KANSL1L: variants seen among roughly 807,000 people sequenced by gnomAD.
KANSL1L encodes the protein KAT8 regulatory NSL complex subunit 1 like, also known as KAT8 regulatory NSL complex subunit 1-like protein.
In KANSL1L, 25 loss-of-function variants were observed where a neutral mutation model predicts 108.6. The ratio of observed to expected loss-of-function variants is 0.23; its 90% CI spans 0.17 to 0.32. The LOEUF (loss-of-function observed/expected upper bound fraction) is 0.32. Ranked by LOEUF, KANSL1L falls within the 10% of genes least tolerant of loss-of-function variation. The pLI is 1.00. For synonymous variants in KANSL1L, 405 were observed against 395.1 expected, an observed-to-expected ratio of 1.03 and a Z score of -0.30; for missense variants, 1,137 against 1,125.7, an observed-to-expected ratio of 1.01 and a Z score of -0.14.
chr2:210,024,731 CAT>C (rs1371029090), intron 13 of KANSL1L, among the ~76,000 whole-genome samples: 3 of 151,736 alleles, frequency 2.0e-5, no homozygotes, highest in Non-Finnish European at 4.4e-5. Flanking sequence ...TAAAGAAAAA[CAT>C]ATTTTGGAAG....
intron 3 of KANSL1L, among the ~76,000 whole-genome samples, chr2:210,111,472 G>C (rs2094904261): frequency 6.6e-6 from 1 of 152,122 alleles, no homozygotes; most frequent in Non-Finnish European, 1.5e-5. Flanking sequence ...GGTTGCCAGA[G>C]AAAAGAGCCT....
chr2:210,049,649 G>T (rs1050133401), intron 6 of KANSL1L, among the ~76,000 whole-genome samples: 1 of 152,086 alleles, frequency 6.6e-6, no homozygotes, highest in Admixed American at 6.6e-5. Context: ...CCATACTATA[G>T]TAGGAAATTA....
chr2:210,084,600 T>C (rs549169939), intron 5 of KANSL1L, among the ~76,000 whole-genome samples: 66 of 152,140 alleles, frequency 4.3e-4, no homozygotes, highest in Admixed American at 1.1e-3. Flanking sequence ...CTGAGCAATA[T>C]AGTGATTTCT....
Position 210,040,402 on chromosome 2 carries a change from A to T in KANSL1L, c.2029+18T>A. ...ATAAAAAGGCATATAGAGTACAAGA[A>T]CTGTAAATGTGACATACCAGGTGAT... On this transcript the variant is annotated intron_variant, in intron 8 of 14. Coordinates refer to ENST00000281772, the MANE Select transcript of KANSL1L (RefSeq NM_152519.4). 8.9e-7 allele frequency: 1 copy of T among 1,122,344 alleles called. No homozygotes were observed. 69.5% of individuals were successfully genotyped at this position (1,122,344 alleles called of 1,614,324 possible).
At chr2:210,052,607 T>C (rs1216638455) in intron 6 of KANSL1L, among the ~76,000 whole-genome samples, 1 of 152,210 alleles carries the variant, frequency 6.6e-6, no homozygotes, top group East Asian at 1.9e-4. Context: ...ATAAACTCCT[T>C]TTTCCTAGAA....
chr2:210,122,019 T>A (rs1363702992), intron 3 of KANSL1L, among the ~76,000 whole-genome samples: 1 of 152,032 alleles, frequency 6.6e-6, no homozygotes, highest in Non-Finnish European at 1.5e-5. Flanking sequence ...AAAACATTGA[T>A]GAAAGAAACT....
At chr2:210,091,124 GATT>G (rs1468327521) in intron 5 of KANSL1L, among the ~76,000 whole-genome samples, 1 of 152,098 alleles carries the variant, frequency 6.6e-6, no homozygotes, top group African/African-American at 2.4e-5. Context: ...AAAGGGTAAG[GATT>G]ATTAACTCAA....
chr2:210,052,965 T>C (rs1008349901), intron 6 of KANSL1L, among the ~76,000 whole-genome samples: 1 of 152,226 alleles, frequency 6.6e-6, no homozygotes, highest in African/African-American at 2.4e-5. Flanking sequence ...TACATCAGCT[T>C]TGCACATATG....
intron 6 of KANSL1L, among the ~76,000 whole-genome samples, chr2:210,054,142 C>G (rs1184565777): frequency 6.6e-6 from 1 of 151,800 alleles, no homozygotes; most frequent in Non-Finnish European, 1.5e-5. Context: ...CGGTGAAACC[C>G]CATCTCTAAT....
intron 2 of KANSL1L, among the ~76,000 whole-genome samples, chr2:210,146,748 AAG>A (rs766847828): frequency 6.6e-6 from 1 of 152,222 alleles, no homozygotes; most frequent in African/African-American, 2.4e-5. Flanking sequence ...TGGGGTGAAG[AAG>A]AGAGGATTGT....
chr2:210,023,193 A>T lies in KANSL1L; in HGVS notation c.2734-14T>A. The T allele has an allele frequency of 6.3e-7, 1 of 1,598,326 alleles. No individual in the cohort carries two copies. Among genetic ancestry groups the T allele is most frequent in the South Asian group, 1.1e-5 (1 of 90,642 alleles). On this transcript the variant is annotated splice_polypyrimidine_tract_variant and intron_variant, in intron 14 of 14. Coordinates refer to ENST00000281772, the MANE Select transcript of KANSL1L (RefSeq NM_152519.4). Reference sequence around the variant, plus strand: ...CCACCACAAAGACTGAAAGGGGAAAAATTTTCAGTTAAGTTTCAACTAACT... The same window carrying T: ...CCACCACAAAGACTGAAAGGGGAAATATTTTCAGTTAAGTTTCAACTAACT...
rs142397289 is a variant in KANSL1L at position 210,124,875 on chromosome 2, C to T, written c.1230+4156G>A. On this transcript the variant is annotated intron_variant, in intron 3 of 14. Coordinates refer to ENST00000281772, the MANE Select transcript of KANSL1L (RefSeq NM_152519.4). ...TGACAAGAGAGTATTATTAATAATA[C>T]TATACCAACAAATTAAATAACCTAG... 4.2e-3 allele frequency among the ~76,000 whole-genome samples: 640 copies of T among 152,190 alleles called. 7 individuals carry two copies. Among genetic ancestry groups the T allele is most frequent in the African/African-American group, 0.015 (607 of 41,526 alleles).
At chr2:210,051,990 TTTC>T (rs2094297226) in intron 6 of KANSL1L, among the ~76,000 whole-genome samples, 1 of 151,532 alleles carries the variant, frequency 6.6e-6, no homozygotes, top group African/African-American at 2.4e-5. Context: ...AATTTCTTTC[TTTC>T]TTCTTTCCTT....
intron 5 of KANSL1L, among the ~76,000 whole-genome samples, chr2:210,081,792 G>A (rs1338666535): frequency 2.6e-5 from 4 of 152,196 alleles, no homozygotes; most frequent in African/African-American, 9.7e-5. Flanking sequence ...TTAGTTTGGT[G>A]AATAAGTAAA....
intron 6 of KANSL1L, among the ~76,000 whole-genome samples, chr2:210,061,408 T>C (rs1005456430): frequency 2.0e-5 from 3 of 152,300 alleles, no homozygotes; most frequent in Non-Finnish European, 4.4e-5. Context: ...GGGCCTAACG[T>C]TGCACAGCAA....
chr2:210,100,283 C>T (rs2094781243), intron 4 of KANSL1L, among the ~76,000 whole-genome samples: 1 of 152,174 alleles, frequency 6.6e-6, no homozygotes, highest in Admixed American at 6.5e-5. Context: ...CCCCCATCCC[C>T]ACCCTGCGGA....
chr2:210,098,641 T>C (rs554322873), intron 4 of KANSL1L, among the ~76,000 whole-genome samples: 3 of 152,236 alleles, frequency 2.0e-5, no homozygotes, highest in South Asian at 4.1e-4. Flanking sequence ...ATATTAGAGG[T>C]ACTGACATCA....
intron 6 of KANSL1L, among the ~76,000 whole-genome samples, chr2:210,069,568 A>G (rs1361120337): frequency 6.6e-6 from 1 of 152,146 alleles, no homozygotes; most frequent in African/African-American, 2.4e-5. Flanking sequence ...AGTGATTTAA[A>G]GCAACAGAAA....
In KANSL1L at chr2:210,044,781, TA is replaced by T. The variant is rs2094205720; in HGVS notation, c.1756-678del. On this transcript the variant is annotated intron_variant, in intron 6 of 14. Coordinates refer to ENST00000281772, the MANE Select transcript of KANSL1L (RefSeq NM_152519.4). The surrounding 1 kb of genome is among the most constrained non-coding windows in gnomAD (Gnocchi z 4.2). The stretch of plus-strand genomic sequence containing the variant: ...CATTAACAGATTTTATTTTTTATTT[TA>T]TTTTTTTGAGACAGTCTCGCTCTGT... Among the ~76,000 whole-genome samples the T allele has an allele frequency of 6.6e-6, 1 of 152,196 alleles. No homozygotes were observed. The highest frequency in any genetic ancestry group is 1.5e-5 in the Non-Finnish European group (1 of 68,030).
Sources: allele counts gnomAD v4.1 joint callset (sites outside exome capture counted in the v4.1 genomes callset), GRCh38; gene constraint gnomAD v4.1.1; non-coding constraint Gnocchi (gnomAD v3.1); transcripts MANE v1.5; gene names NCBI Gene and HGNC (gene_info 2026-07-23, HGNC 2026-07-21).